The following NUDT3 variants were observed in gnomAD, a reference collection of about 807,000 sequenced individuals.
NUDT3 encodes nudix hydrolase 3, also known as diphosphoinositol polyphosphate phosphohydrolase 1.
NUDT3 carries 9 observed loss-of-function variants against 23.6 expected under a neutral mutation model. The observed-to-expected ratio is 0.38, with a 90% CI of 0.23 to 0.66. The LOEUF (loss-of-function observed/expected upper bound fraction) is 0.66, where lower values mean the gene tolerates loss of function less well. Among genes scored for constraint, NUDT3 ranks in the 30% least tolerant of loss-of-function variants. The pLI is 0.52. For missense variants in NUDT3, 172 were observed against 218.5 expected, an observed-to-expected ratio of 0.79 and a Z score of 1.34; for synonymous variants, 86 against 82.6, an observed-to-expected ratio of 1.04 and a Z score of -0.22.
At chr6:34,354,394 AACACACACACAC>A (rs370168110) in intron 1 of NUDT3, among the ~76,000 whole-genome samples, 5 of 137,722 alleles carry the variant, frequency 3.6e-5, no homozygotes, top group African/African-American at 1.4e-4. Flanking sequence ...GATTTCATTA[AACACACACACAC>A]ACACACACAC....
chr6:34,376,011 C>T (rs2113763731), intron 1 of NUDT3, among the ~76,000 whole-genome samples: 1 of 152,286 alleles, frequency 6.6e-6, no homozygotes, highest in East Asian at 1.9e-4. Flanking sequence ...TTTCTATTCT[C>T]CCTCTCCAAG....
chr6:34,381,762 A>C (rs546986734), intron 1 of NUDT3, among the ~76,000 whole-genome samples: 67 of 152,246 alleles, frequency 4.4e-4, no homozygotes, highest in African/African-American at 1.4e-3. Flanking sequence ...CATTTCTGCA[A>C]AAAGGAAGCA....
rs1487226749 is a variant in NUDT3 at position 34,341,855 on chromosome 6, T to C, written c.210+7A>G. 6.2e-7 allele frequency: 1 copy of C among 1,613,310 alleles called. No homozygotes were observed. The highest frequency in any genetic ancestry group is 1.3e-5 in the African/African-American group (1 of 74,926). On this transcript the variant is annotated splice_region_variant and intron_variant, in intron 2 of 4. Transcript: ENST00000607016. ...GCACAGCTGTGCCCTCTCTTCTCCA[T>C]GCATACCTCCTCACAGACTTCACGA...
At chr6:34,377,446 A>G (rs1764942447) in intron 1 of NUDT3, among the ~76,000 whole-genome samples, 2 of 152,204 alleles carry the variant, frequency 1.3e-5, no homozygotes, top group Non-Finnish European at 2.9e-5. Context: ...TTCATTTTAA[A>G]AAATCTGGTC....
At chr6:34,382,004 C>CG (rs894494186) in intron 1 of NUDT3, among the ~76,000 whole-genome samples, 5 of 131,542 alleles carry the variant, frequency 3.8e-5, no homozygotes, top group Non-Finnish European at 7.7e-5. Flanking sequence ...ACCCGGGAGA[C>CG]GGGGGTTGCA....
rs979452066 is a variant in NUDT3 at position 34,286,646 on chromosome 6, C to G, written c.*2107G>C. ...TCAAGTCCCATGGTATTGTTCTTAT[C>G]CAATGGGACCTCTCCTTGGGAATAT... On this transcript the variant is annotated 3_prime_UTR_variant, in exon 5 of 5. Coordinates refer to ENST00000607016, the MANE Select transcript of NUDT3 (RefSeq NM_006703.4). 6.6e-6 allele frequency: 1 copy of G among 151,860 alleles called. No individual in the cohort carries two copies. Among genetic ancestry groups the G allele is most frequent in the Admixed American group, 6.6e-5 (1 of 15,238 alleles). The allele number at this position is 151,860 out of a possible 1,614,324, so 9.4% of individuals were successfully genotyped here. A position where few individuals can be genotyped will look rare whatever the true frequency, so the allele number is the denominator to read the frequency against.
intron 2 of NUDT3, among the ~76,000 whole-genome samples, chr6:34,297,732 TATATATATATATATA>T (rs2113697740): frequency 7.2e-5 from 2 of 27,740 alleles, no homozygotes; most frequent in African/African-American, 3.2e-4. Flanking sequence ...AAAAAAAAAA[TATATATATATATATA>T]TATATATATA....
chr6:34,297,761 T>TATATATATATA (rs60304042), intron 2 of NUDT3, among the ~76,000 whole-genome samples: 2 of 77,550 alleles, frequency 2.6e-5, no homozygotes, highest in African/African-American at 1.4e-4. Flanking sequence ...ATATATATAA[T>TATATATATATA]TTTTTTTTTT....
At chr6:34,383,931 C>T (rs966267800) in intron 1 of NUDT3, among the ~76,000 whole-genome samples, 1 of 152,084 alleles carries the variant, frequency 6.6e-6, no homozygotes, top group Admixed American at 6.6e-5. Flanking sequence ...CCAGTCATGA[C>T]GGGATCAATG....
chr6:34,324,519 CT>C (rs1319166199), intron 2 of NUDT3, among the ~76,000 whole-genome samples: 2 of 152,202 alleles, frequency 1.3e-5, no homozygotes, highest in Non-Finnish European at 2.9e-5. Flanking sequence ...ATCCTCCTGC[CT>C]TGGCCTCCCA....
intron 1 of NUDT3, among the ~76,000 whole-genome samples, chr6:34,390,256 T>C (rs1449131434): frequency 6.6e-6 from 1 of 151,330 alleles, no homozygotes; most frequent in South Asian, 2.1e-4. Flanking sequence ...ATGGGGCCAC[T>C]GCACTCCAGC....
intron 1 of NUDT3, among the ~76,000 whole-genome samples, chr6:34,391,938 C>A (rs1765208409): frequency 1.3e-5 from 2 of 152,136 alleles, no homozygotes; most frequent in African/African-American, 4.8e-5. Flanking sequence ...TGGCCTGGAC[C>A]GAAAGCCGCA....
intron 1 of NUDT3, among the ~76,000 whole-genome samples, chr6:34,368,245 G>A (rs188275972): frequency 2.5e-4 from 38 of 152,302 alleles, no homozygotes; most frequent in South Asian, 8.3e-4. Flanking sequence ...TTGTTTTCAG[G>A]TGTTTCTTTC....
chr6:34,356,885 C>A (rs926242625), intron 1 of NUDT3, among the ~76,000 whole-genome samples: 1 of 152,258 alleles, frequency 6.6e-6, no homozygotes, highest in East Asian at 1.9e-4. Context: ...CCATGCCATT[C>A]TCCTGCCTCA....
At chr6:34,321,422 A>G (rs1478189353) in intron 2 of NUDT3, among the ~76,000 whole-genome samples, 1 of 152,116 alleles carries the variant, frequency 6.6e-6, no homozygotes, top group African/African-American at 2.4e-5. Flanking sequence ...TGGGCAACAG[A>G]GCGAGACTCC....
intron 1 of NUDT3, among the ~76,000 whole-genome samples, chr6:34,350,676 T>C (rs1764453121): frequency 1.3e-5 from 2 of 150,844 alleles, no homozygotes; most frequent in African/African-American, 4.9e-5. Flanking sequence ...CTATTTTTAA[T>C]AGTTATTTTA....
chr6:34,361,317 C>G (rs953378865), intron 1 of NUDT3, among the ~76,000 whole-genome samples: 5 of 152,282 alleles, frequency 3.3e-5, no homozygotes, highest in African/African-American at 1.2e-4. Flanking sequence ...AATGAAACAA[C>G]AAGAAGACAC....
intron 2 of NUDT3, among the ~76,000 whole-genome samples, chr6:34,312,822 A>G (rs1241440123): frequency 6.6e-6 from 1 of 152,200 alleles, no homozygotes; most frequent in African/African-American, 2.4e-5. Flanking sequence ...ATTTACACAA[A>G]GGATTATTAT....
intron 1 of NUDT3, among the ~76,000 whole-genome samples, chr6:34,348,966 C>T (rs1031558213): frequency 1.3e-5 from 2 of 151,810 alleles, no homozygotes; most frequent in Non-Finnish European, 2.9e-5. Context: ...CTCAAGTGAT[C>T]CTCCTGTCTC....
Sources: allele counts gnomAD v4.1 joint callset (sites outside exome capture counted in the v4.1 genomes callset), GRCh38; gene constraint gnomAD v4.1.1; transcripts MANE v1.5; gene names NCBI Gene and HGNC (gene_info 2026-07-23, HGNC 2026-07-21).